DNAH11: variants seen among roughly 807,000 people sequenced by gnomAD.
The protein encoded by DNAH11 is dynein axonemal heavy chain 11, also known as axonemal beta dynein heavy chain 11.
A neutral mutation model predicts 526.0 loss-of-function variants in DNAH11; 442 were observed. The ratio of observed to expected loss-of-function variants is 0.84; its 90% confidence interval spans 0.78 to 0.91. The LOEUF (loss-of-function observed/expected upper bound fraction) is 0.91, where lower values mean the gene tolerates loss of function less well. Among genes scored for constraint, DNAH11 ranks in the 40% least tolerant of loss-of-function variants. DNAH11 has a pLI of 0.00. For missense variants in DNAH11, 6,989 were observed against 5,448.7 expected (o/e 1.28, Z -8.90); for synonymous variants, 2,461 against 1,935.9 (o/e 1.27, Z -7.12).
At chr7:21,830,225 G>T (rs1213223273) in intron 65 of DNAH11, among the ~76,000 whole-genome samples, 1 of 152,090 alleles carries the variant, frequency 6.6e-6, no homozygotes, top group African/African-American at 2.4e-5. Context: ...CTTTCCCTGA[G>T]AGCTAAACAG....
chr7:21,651,124 A>G (rs1467761083), intron 28 of DNAH11, among the ~76,000 whole-genome samples: 1 of 152,124 alleles, frequency 6.6e-6, no homozygotes, highest in Non-Finnish European at 1.5e-5. Flanking sequence ...AAATATTATT[A>G]TGAATATTGT....
chr7:21,825,547 A>G (rs1351777466), intron 65 of DNAH11, among the ~76,000 whole-genome samples: 3 of 152,064 alleles, frequency 2.0e-5, no homozygotes, highest in Admixed American at 6.5e-5. Context: ...GCTGTTTTTT[A>G]TAATCCAAAA....
At chr7:21,658,465 G>A (rs912585366) in intron 29 of DNAH11, among the ~76,000 whole-genome samples, 6 of 152,140 alleles carry the variant, frequency 3.9e-5, no homozygotes, top group African/African-American at 1.4e-4. Flanking sequence ...TACCAGAGGG[G>A]AATCTTGGTC....
intron 42 of DNAH11, among the ~76,000 whole-genome samples, chr7:21,715,451 G>A (rs552679188): frequency 1.3e-5 from 2 of 152,164 alleles, no homozygotes; most frequent in African/African-American, 4.8e-5. Flanking sequence ...GATACATTGG[G>A]GCATTACAAT....
chr7:21,779,347 A>G (rs1467316149), intron 57 of DNAH11, among the ~76,000 whole-genome samples: 1 of 152,206 alleles, frequency 6.6e-6, no homozygotes, highest in African/African-American at 2.4e-5. Context: ...AGCTCATTCA[A>G]GCATATAATG....
chr7:21,615,270 C>G lies in DNAH11; in HGVS notation c.4009C>G (p.Arg1337Gly). 6.2e-7 allele frequency: 1 copy of G among 1,609,966 alleles called. No homozygotes were observed. Among genetic ancestry groups the G allele is most frequent in the Non-Finnish European group, 8.5e-7 (1 of 1,178,054 alleles). ...KGLWDVIIYV[R>G]RSIDNWTKTQ... ...ACTGTGGGATGTCATTATTTATGTT[C>G]GAGTAAGATGTGCTTTTTCAAAACA... The change falls in exon 21 of 82, where the codon CGA becomes GGA. Residue 1337 changes from arginine to glycine, a missense_variant and splice_region_variant. Transcript: ENST00000409508.
intron 67 of DNAH11, among the ~76,000 whole-genome samples, chr7:21,853,454 C>T (rs1782717582): frequency 6.6e-6 from 1 of 151,816 alleles, no homozygotes; most frequent in Non-Finnish European, 1.5e-5. Flanking sequence ...AAAGTTAGAA[C>T]AATTAAGTAA....
intron 65 of DNAH11, among the ~76,000 whole-genome samples, chr7:21,829,715 A>T (rs527416648): frequency 6.6e-6 from 1 of 152,372 alleles, no homozygotes; most frequent in East Asian, 1.9e-4. Flanking sequence ...CGTTTCCAAT[A>T]AAAGTAAAAG....
chr7:21,745,457 C>T (rs1786103205), intron 51 of DNAH11, among the ~76,000 whole-genome samples: 1 of 152,174 alleles, frequency 6.6e-6, no homozygotes, highest in African/African-American at 2.4e-5. Flanking sequence ...GGGGAGGGCT[C>T]ATGCTTTCTT....
chr7:21,672,208 C>T (rs1261974147), intron 30 of DNAH11, among the ~76,000 whole-genome samples: 1 of 152,162 alleles, frequency 6.6e-6, no homozygotes, highest in African/African-American at 2.4e-5. Context: ...ATCCAGGATC[C>T]TGGTAGCTGA....
intron 28 of DNAH11, among the ~76,000 whole-genome samples, chr7:21,650,159 A>G (rs1430610603): frequency 6.6e-6 from 1 of 152,204 alleles, no homozygotes. Context: ...TTATGCATGT[A>G]AACATTTTAT....
At chr7:21,593,293 A>G (rs1057372139) in intron 14 of DNAH11, among the ~76,000 whole-genome samples, 13 of 152,156 alleles carry the variant, frequency 8.5e-5, no homozygotes, top group African/African-American at 3.1e-4. Context: ...GCAGCACGGA[A>G]GTCATTGGGA....
intron 25 of DNAH11, among the ~76,000 whole-genome samples, chr7:21,630,436 T>C (rs1368130612): frequency 6.6e-6 from 1 of 152,248 alleles, no homozygotes; most frequent in Non-Finnish European, 1.5e-5. Context: ...ATACATTGTT[T>C]AATGTCAGTG....
chr7:21,811,049 AC>A (rs1789492334), intron 63 of DNAH11, among the ~76,000 whole-genome samples: 1 of 152,226 alleles, frequency 6.6e-6, no homozygotes, highest in Non-Finnish European at 1.5e-5. Flanking sequence ...CATGGACAGA[AC>A]GGATTTTTAA....
At chr7:21,558,182 A>G (rs999812465) in intron 2 of DNAH11, among the ~76,000 whole-genome samples, 2 of 152,222 alleles carry the variant, frequency 1.3e-5, no homozygotes, top group African/African-American at 4.8e-5. Flanking sequence ...AGATACTTGA[A>G]GGGAAAGCAA....
In DNAH11 at chr7:21,636,018, T is replaced by C. The variant is rs1005181628; in HGVS notation, c.4648T>C (p.Phe1550Leu). Reference sequence around the variant, plus strand: ...AACTTGGTCTCACCTGGAAAGCATTTTTGTCTGTTCAGAAGATATTCGAAT... The same window carrying C: ...AACTTGGTCTCACCTGGAAAGCATTCTTGTCTGTTCAGAAGATATTCGAAT... ...QRTWSHLESI[F>L]VCSEDIRIQL... Residue 1550 changes from phenylalanine (F) to leucine (L), a missense_variant, in exon 26 of 82, where the codon TTT becomes CTT. Transcript: ENST00000409508. 20 of 1,613,684 alleles carry C rather than the reference T, an allele frequency of 1.2e-5. No homozygotes were observed. Among genetic ancestry groups the C allele is most frequent in the Non-Finnish European group, 1.5e-5 (18 of 1,179,820 alleles).
Position 21,842,583 on chromosome 7 carries a change from G to T in DNAH11, c.10731G>T (p.Lys3577Asn). 1 of 1,613,898 alleles carries T rather than the reference G, an allele frequency of 6.2e-7. No individual in the cohort carries two copies. Among genetic ancestry groups the T allele is most frequent in the Non-Finnish European group, 8.5e-7 (1 of 1,179,870 alleles). Residue 3577 changes from lysine to asparagine, a missense_variant, in exon 66 of 82, where the codon AAG becomes AAT. By Grantham distance (94) the Lys-to-Asn change is moderately conservative. Coordinates refer to ENST00000409508, the MANE Select transcript of DNAH11 (RefSeq NM_001277115.2). ...RIGDKECEFN[K>N]NFRLILHTKL... ...GAGATAAAGAATGTGAATTTAACAA[G>T]AACTTTCGCCTTATCCTTCACACAA...
At chr7:21,545,272 G>A (rs1169718827) in intron 2 of DNAH11, 123 bp downstream of exon 2, 4 of 112,866 alleles carry the variant, frequency 3.5e-5, no homozygotes, top group African/African-American at 4.0e-4. Flanking sequence ...GATGGGGGTG[G>A]TTAAAAAAAA....
At position 21,681,585 on chromosome 7, in the gene DNAH11, G is replaced by A; in HGVS notation, c.5368G>A (p.Glu1790Lys). ...LNTLITLLLG[E>K]LPPGDRQKIM... ...TACACTGATTACACTTTTGCTGGGA[G>A]AACTTCCACCTGGAGACAGACAGAA... Residue 1790 changes from glutamate (E) to lysine (K), a missense_variant, in exon 31 of 82, where the codon GAA becomes AAA. Coordinates refer to ENST00000409508, the MANE Select transcript of DNAH11 (RefSeq NM_001277115.2). The A allele has an allele frequency of 5.0e-6, 8 of 1,613,886 alleles. No individual in the cohort carries two copies. The highest frequency in any genetic ancestry group is 6.8e-6 in the Non-Finnish European group (8 of 1,179,822).
Sources: allele counts gnomAD v4.1 joint callset (sites outside exome capture counted in the v4.1 genomes callset), GRCh38; gene constraint gnomAD v4.1.1; transcripts MANE v1.5; gene names NCBI Gene and HGNC (gene_info 2026-07-23, HGNC 2026-07-21).